LSM12: variants seen among roughly 807,000 people sequenced by gnomAD.
The protein encoded by LSM12 is protein LSM12.
For synonymous variants in LSM12, 74 were observed against 87.3 expected (o/e 0.85, Z 0.85); for missense variants, 108 against 238.9 (o/e 0.45, Z 3.61).
intron 2 of LSM12, among the ~76,000 whole-genome samples, chr17:44,042,690 G>A (rs538014996): frequency 2.6e-5 from 4 of 151,540 alleles, no homozygotes; most frequent in South Asian, 2.1e-4. Context: ...TCAGCCTCCC[G>A]AGTAGCTGGG....
chr17:44,051,389 CAAAAAAAAAAAAA>C lies in LSM12; in HGVS notation c.259-11146_259-11134del, dbSNP rs57974319. On this transcript the variant is annotated intron_variant, in intron 2 of 4. Transcript: ENST00000293406. ...CTGGCGACAGAGCGAGACTCCGTCTCAAAAAAAAAAAAAAAAAAAAAAAAAAATTAGCTGGGTG... is the reference window on the plus strand; with the variant it reads ...CTGGCGACAGAGCGAGACTCCGTCTCAAAAAAAAAAAAAATTAGCTGGGTG... Among the ~76,000 whole-genome samples, 1,029 of 114,966 alleles carry C rather than the reference CAAAAAAAAAAAAA, an allele frequency of 9.0e-3. 15 individuals carry two copies. The highest frequency in any genetic ancestry group is 0.039 in the African/African-American group (974 of 24,684). 75.4% of individuals were successfully genotyped at this position (114,966 alleles called of 152,430 possible).
chr17:44,058,515 C>A (rs1031351518), intron 2 of LSM12, among the ~76,000 whole-genome samples: 6 of 151,708 alleles, frequency 4.0e-5, no homozygotes, highest in African/African-American at 1.5e-4. Flanking sequence ...CATCCTGGGC[C>A]ACACAGTAAG....
In LSM12 at chr17:44,039,365, CTTTTTTTTTTTTTTTTT is replaced by C. The variant is rs35411238; in HGVS notation, c.368+765_368+781del. Among the ~76,000 whole-genome samples, 355 of 51,104 alleles carry C rather than the reference CTTTTTTTTTTTTTTTTT, an allele frequency of 6.9e-3. 4 individuals carry two copies. The highest frequency in any genetic ancestry group is 0.028 in the African/African-American group (339 of 12,064). The allele number at this position is 51,104 out of a possible 152,430, so 33.5% of individuals were successfully genotyped here. On this transcript the variant is annotated intron_variant, in intron 3 of 4. Coordinates refer to ENST00000293406, the MANE Select transcript of LSM12 (RefSeq NM_001371445.1). ...CCACCGTGCCCGACCAACAAAATGT[CTTTTTTTTTTTTTTTTT>C]TTTTTTTTTTGAGACGGAGTCTCGC... is the stretch of plus-strand genomic sequence containing the variant.
intron 2 of LSM12, among the ~76,000 whole-genome samples, chr17:44,052,780 T>C (rs1449819595): frequency 2.0e-5 from 3 of 149,888 alleles, no homozygotes; most frequent in Non-Finnish European, 4.4e-5. Context: ...TATATTTATA[T>C]AAATAAATAA....
At chr17:44,054,496 G>C (rs891047756) in intron 2 of LSM12, among the ~76,000 whole-genome samples, 2 of 152,110 alleles carry the variant, frequency 1.3e-5, no homozygotes, top group African/African-American at 4.8e-5. Context: ...TTTTTGTACA[G>C]ACAGGGTCTA....
intron 2 of LSM12, among the ~76,000 whole-genome samples, chr17:44,051,752 T>C (rs916270178): frequency 2.0e-5 from 3 of 152,124 alleles, no homozygotes; most frequent in Non-Finnish European, 2.9e-5. Flanking sequence ...GACAGGAGGA[T>C]GGCTTGAGTC....
At chr17:44,057,618 G>A (rs1031120684) in intron 2 of LSM12, among the ~76,000 whole-genome samples, 2 of 151,404 alleles carry the variant, frequency 1.3e-5, no homozygotes, top group Non-Finnish European at 2.9e-5. Context: ...AAATTAGCCA[G>A]CTGTGGTGGC....
chr17:44,059,450 A>G (rs1462831053), intron 2 of LSM12, among the ~76,000 whole-genome samples: 4 of 151,996 alleles, frequency 2.6e-5, no homozygotes, highest in Non-Finnish European at 5.9e-5. Flanking sequence ...TTAGCCGGGC[A>G]TGGTGGCAGC....
intron 2 of LSM12, among the ~76,000 whole-genome samples, chr17:44,045,273 G>A (rs555076593): frequency 3.3e-5 from 5 of 152,054 alleles, no homozygotes; most frequent in South Asian, 4.1e-4. Flanking sequence ...TGATCTGCCC[G>A]CCTCAGCCTC....
At chr17:44,056,840 A>G (rs2049720967) in intron 2 of LSM12, among the ~76,000 whole-genome samples, 1 of 151,860 alleles carries the variant, frequency 6.6e-6, no homozygotes, top group Non-Finnish European at 1.5e-5. Context: ...AATAATACAA[A>G]ATTAGCCAGG....
intron 1 of LSM12, among the ~76,000 whole-genome samples, 176 bp downstream of exon 1, chr17:44,066,288 G>A (rs1008168209): frequency 7.2e-5 from 11 of 152,128 alleles, no homozygotes; most frequent in African/African-American, 2.2e-4. Flanking sequence ...AAAGCTGACC[G>A]AAGGGCCCGC....
intron 2 of LSM12, among the ~76,000 whole-genome samples, chr17:44,053,782 A>T (rs1277536271): frequency 6.6e-6 from 1 of 152,096 alleles, no homozygotes; most frequent in Non-Finnish European, 1.5e-5. Flanking sequence ...AATTTGCTTC[A>T]ATCTCCAGGG....
chr17:44,045,263 T>C (rs562275192), intron 2 of LSM12, among the ~76,000 whole-genome samples: 181 of 152,218 alleles, frequency 1.2e-3, no homozygotes, highest in Middle Eastern at 3.4e-3. Flanking sequence ...CCTGACCTCG[T>C]GATCTGCCCG....
chr17:44,055,713 AATATATATAAAATATATT>A (rs2049704301), intron 2 of LSM12, among the ~76,000 whole-genome samples: 1 of 145,164 alleles, frequency 6.9e-6, no homozygotes, highest in Non-Finnish European at 1.5e-5. Context: ...TAATATATAA[AATATATATAAAATATATT>A]ATATATATAA....
In LSM12 at chr17:44,066,641, G is replaced by C; in HGVS notation, c.-54C>G. 1 of 1,290,466 alleles carries C rather than the reference G, an allele frequency of 7.7e-7. No individual in the cohort carries two copies. Among genetic ancestry groups the C allele is most frequent in the Non-Finnish European group, 9.8e-7 (1 of 1,015,874 alleles). 79.9% of individuals were successfully genotyped at this position (1,290,466 alleles called of 1,614,324 possible). A position where few individuals can be genotyped will look rare whatever the true frequency, so the allele number is the denominator to read the frequency against. On this transcript the variant is annotated 5_prime_UTR_variant, in exon 1 of 5. Transcript: ENST00000293406. ...GCGGCGGCAGCAGCGGGCGAAAGCCGGGCCCCCAGTGAGCGCCGCGACGCG... is the reference window on the plus strand; with the variant it reads ...GCGGCGGCAGCAGCGGGCGAAAGCCCGGCCCCCAGTGAGCGCCGCGACGCG...
chr17:44,051,822 G>T (rs2049648088), intron 2 of LSM12, among the ~76,000 whole-genome samples: 1 of 151,898 alleles, frequency 6.6e-6, no homozygotes, highest in Admixed American at 6.6e-5. Flanking sequence ...CAAAAAAAAT[G>T]TTAGGGCAGG....
chr17:44,064,472 C>T (rs1025143825), intron 1 of LSM12, among the ~76,000 whole-genome samples: 16 of 152,196 alleles, frequency 1.1e-4, no homozygotes, highest in Middle Eastern at 3.2e-3. Flanking sequence ...ATGGCTCACG[C>T]CTGTAATCTC....
chr17:44,046,822 T>TGGGGTTCAAGTGATTCTC (rs1182316554), intron 2 of LSM12, among the ~76,000 whole-genome samples: 1 of 136,102 alleles, frequency 7.3e-6, no homozygotes, highest in Non-Finnish European at 1.6e-5. Flanking sequence ...CCTCCGCCTC[T>TGGGGTTCAAGTGATTCTC]GGGGTTCAAG....
intron 4 of LSM12, chr17:44,036,851 G>C (rs187900117): frequency 6.4e-6 from 1 of 156,756 alleles, no homozygotes; most frequent in African/African-American, 2.4e-5. Context: ...GCCAGGCGTG[G>C]TGGCTCATAC....
Sources: gnomAD v4.1 joint callset for allele counts (sites outside exome capture counted in the v4.1 genomes callset) on GRCh38, gnomAD v4.1.1 for gene constraint, MANE v1.5 for transcripts, NCBI Gene and HGNC (gene_info 2026-07-23, HGNC 2026-07-21) for gene names.